The following DACH1 variants were observed in gnomAD, a reference collection of about 807,000 sequenced individuals.
DACH1 encodes the protein dachshund family transcription factor 1, also known as dachshund homolog 1.
DACH1 carries 12 observed loss-of-function variants against 54.2 expected under a neutral mutation model. The observed-to-expected ratio is 0.22, with a 90% CI of 0.14 to 0.36. DACH1 has a LOEUF of 0.36. Ranked by LOEUF, DACH1 falls within the 10% of genes least tolerant of loss-of-function variation. The pLI, the probability that DACH1 is intolerant of heterozygous loss-of-function variation, is 1.00. For missense variants in DACH1, 805 were observed against 929.8 expected (o/e 0.87, Z 1.75); for synonymous variants, 386 against 366.2 (o/e 1.05, Z -0.62).
intron 1 of DACH1, chr13:71,846,240 G>T: frequency 4.0e-6 from 1 of 251,864 alleles, no homozygotes; most frequent in Non-Finnish European, 8.3e-6. Context: ...CATGGTTCAT[G>T]CCAAATTCCG....
chr13:71,866,231 TCCA>T lies in DACH1; in HGVS notation c.536_538del (p.Val179del), dbSNP rs778327334. On this transcript the variant is annotated inframe_deletion, in exon 1 of 11. Coordinates refer to ENST00000613252, the MANE Select transcript of DACH1 (RefSeq NM_080759.6). ...GCACTCATTATTCTGAGGGGTGTTT[TCCA>T]CTGGGGACGGGGTTGAGTACACGGG... The T allele has an allele frequency of 6.2e-7, 1 of 1,612,372 alleles. No homozygotes were observed. Among genetic ancestry groups the T allele is most frequent in the Non-Finnish European group, 8.5e-7 (1 of 1,179,198 alleles).
rs548973524 is a variant in DACH1 at position 71,541,355 on chromosome 13, T to C, written c.1570+15669A>G. On this transcript the variant is annotated intron_variant, in intron 6 of 10. Transcript: ENST00000613252. ...TTGTAAGGGCTTTTAAACTTTATTG[T>C]ATGTTTGAGCTTATTTCACATAATG... Among the ~76,000 whole-genome samples, 3 of 152,206 alleles carry C rather than the reference T, an allele frequency of 2.0e-5. No homozygotes were observed. The East Asian group carries it at 5.8e-4, about 29-fold the overall frequency.
chr13:71,741,728 T>C (rs925142531), intron 1 of DACH1, among the ~76,000 whole-genome samples: 1 of 152,124 alleles, frequency 6.6e-6, no homozygotes, highest in East Asian at 1.9e-4. Context: ...AAATAATTTT[T>C]CTTCCCAAAT....
At chr13:71,706,477 T>G (rs1055739810) in intron 1 of DACH1, among the ~76,000 whole-genome samples, 18 of 152,090 alleles carry the variant, frequency 1.2e-4, no homozygotes, top group African/African-American at 4.3e-4. Flanking sequence ...CCCAGTTTGT[T>G]TGCTATTTAT....
intron 1 of DACH1, among the ~76,000 whole-genome samples, chr13:71,683,956 A>G (rs529657733): frequency 6.6e-6 from 1 of 152,258 alleles, no homozygotes; most frequent in East Asian, 1.9e-4. Flanking sequence ...CATCTATCCC[A>G]TTAATACCTA....
chr13:71,464,974 G>A (rs1051493233), intron 10 of DACH1, among the ~76,000 whole-genome samples: 2 of 152,048 alleles, frequency 1.3e-5, no homozygotes, highest in Non-Finnish European at 2.9e-5. Flanking sequence ...ATTAGAAAGT[G>A]TGACACAAGA....
At chr13:71,840,475 A>G (rs781224986) in intron 1 of DACH1, among the ~76,000 whole-genome samples, 16 of 152,190 alleles carry the variant, frequency 1.1e-4, no homozygotes, top group Non-Finnish European at 2.1e-4. Flanking sequence ...CTATATTTCA[A>G]GAGCAATCTC....
intron 6 of DACH1, among the ~76,000 whole-genome samples, chr13:71,539,179 C>T (rs1446113813): frequency 4.6e-5 from 7 of 151,990 alleles, no homozygotes; most frequent in Admixed American, 1.3e-4. Context: ...TATAAAAACA[C>T]TCTCACACCG....
intron 6 of DACH1, among the ~76,000 whole-genome samples, chr13:71,536,754 T>A (rs1882831749): frequency 6.6e-6 from 1 of 152,022 alleles, no homozygotes; most frequent in South Asian, 2.1e-4. Flanking sequence ...CAAACCTCAA[T>A]GTAGGAGACA....
intron 3 of DACH1, among the ~76,000 whole-genome samples, chr13:71,600,191 A>C (rs1389208705): frequency 6.6e-6 from 1 of 152,164 alleles, no homozygotes; most frequent in Middle Eastern, 3.2e-3. Flanking sequence ...AATCAAAATT[A>C]GTAGATGCAA....
intron 1 of DACH1, among the ~76,000 whole-genome samples, chr13:71,795,971 G>A (rs753448418): frequency 6.6e-6 from 1 of 152,090 alleles, no homozygotes; most frequent in African/African-American, 2.4e-5. Context: ...CTAAGAGAGC[G>A]TTATGAGACA....
intron 6 of DACH1, among the ~76,000 whole-genome samples, chr13:71,495,396 T>C (rs1213570664): frequency 6.6e-6 from 1 of 151,950 alleles, no homozygotes; most frequent in African/African-American, 2.4e-5. Flanking sequence ...TATTAATAAA[T>C]GTCCATCACA....
intron 3 of DACH1, among the ~76,000 whole-genome samples, chr13:71,625,046 T>C (rs1876541541): frequency 1.3e-5 from 2 of 151,996 alleles, no homozygotes. Context: ...CAAAGACACC[T>C]GTCATAGCAT....
chr13:71,734,076 A>G (rs979766078), intron 1 of DACH1, among the ~76,000 whole-genome samples: 1 of 151,524 alleles, frequency 6.6e-6, no homozygotes, highest in African/African-American at 2.4e-5. Flanking sequence ...CAAAATAAAA[A>G]CACACTTGAA....
intron 6 of DACH1, among the ~76,000 whole-genome samples, chr13:71,534,320 A>G (rs536181829): frequency 6.6e-6 from 1 of 152,178 alleles, no homozygotes; most frequent in African/African-American, 2.4e-5. Flanking sequence ...TAGCAACAAT[A>G]AAAGGACAAA....
At chr13:71,823,166 A>T (rs1167371343) in intron 1 of DACH1, among the ~76,000 whole-genome samples, 1 of 152,154 alleles carries the variant, frequency 6.6e-6, no homozygotes, top group African/African-American at 2.4e-5. Flanking sequence ...AATAAACAAA[A>T]GCAACCCTTT....
chr13:71,807,511 C>G (rs1176690218), intron 1 of DACH1, among the ~76,000 whole-genome samples: 3 of 149,470 alleles, frequency 2.0e-5, no homozygotes, highest in African/African-American at 7.4e-5. Flanking sequence ...TCTTTCCAAA[C>G]TCAGAGAGAA....
intron 6 of DACH1, among the ~76,000 whole-genome samples, chr13:71,525,641 A>G (rs2138292216): frequency 6.6e-6 from 1 of 152,208 alleles, no homozygotes; most frequent in South Asian, 2.1e-4. Flanking sequence ...TCTTATTCAA[A>G]TGGTTTCTTT....
At chr13:71,693,561 G>T (rs367795596) in intron 1 of DACH1, among the ~76,000 whole-genome samples, 12 of 145,976 alleles carry the variant, frequency 8.2e-5, no homozygotes, top group African/African-American at 2.8e-4. Context: ...CTGGTGATCC[G>T]CCCGCCTCGG....
Sources: allele counts gnomAD v4.1 joint callset (sites outside exome capture counted in the v4.1 genomes callset), GRCh38; gene constraint gnomAD v4.1.1; transcripts MANE v1.5; gene names NCBI Gene and HGNC (gene_info 2026-07-23, HGNC 2026-07-21).